The following LINGO2 variants were observed in gnomAD, a reference collection of about 807,000 sequenced individuals.
The protein encoded by LINGO2 is leucine-rich repeat and immunoglobulin-like domain-containing nogo receptor-interacting protein 2.
Under a neutral mutation model 30.6 loss-of-function variants are expected in LINGO2, and 14 were observed. That is an observed-to-expected ratio of 0.46 (90% CI 0.30 to 0.72). The LOEUF is 0.72. LINGO2 is among the 30% of genes least tolerant of loss of function. The pLI is 0.07. For missense variants in LINGO2, 729 were observed against 751.7 expected, an observed-to-expected ratio of 0.97 and a Z score of 0.35; for synonymous variants, 317 against 288.5, an observed-to-expected ratio of 1.10 and a Z score of -1.00.
At chr9:28,286,493 T>C (rs1311286873) in intron 4 of LINGO2, among the ~76,000 whole-genome samples, 1 of 152,186 alleles carries the variant, frequency 6.6e-6, no homozygotes, top group Non-Finnish European at 1.5e-5. Context: ...CATTCTATTA[T>C]AAAGACACAT....
chr9:28,126,489 C>T (rs1189534246), intron 4 of LINGO2, among the ~76,000 whole-genome samples: 2 of 152,262 alleles, frequency 1.3e-5, no homozygotes, highest in East Asian at 3.9e-4. Flanking sequence ...ATGTTGCTGT[C>T]CCTTTCAGAC....
chr9:28,813,069 T>A, the LINGO2 span, among the ~76,000 whole-genome samples: 3 of 144,140 alleles, frequency 2.1e-5, no homozygotes, highest in African/African-American at 2.6e-5. Flanking sequence ...CCTACTGCAG[T>A]AAAAAAAAAA....
chr9:28,680,255 G>A, the LINGO2 span, among the ~76,000 whole-genome samples: 1 of 152,024 alleles, frequency 6.6e-6, no homozygotes, highest in African/African-American at 2.4e-5. Context: ...TTAACACGAT[G>A]TCCCTCAGGC....
At chr9:28,874,669 T>C in the LINGO2 span, among the ~76,000 whole-genome samples, 1 of 152,216 alleles carries the variant, frequency 6.6e-6, no homozygotes, top group East Asian at 1.9e-4. Flanking sequence ...GGGTCCACGC[T>C]TTTTTAAATA....
chr9:28,524,405 G>A (rs1021158471), intron 1 of LINGO2, among the ~76,000 whole-genome samples: 4 of 152,126 alleles, frequency 2.6e-5, no homozygotes, highest in African/African-American at 9.7e-5. Context: ...AAAGAGATTA[G>A]ACTTCATCAA....
chr9:28,493,200 T>G (rs2135275659), intron 1 of LINGO2, among the ~76,000 whole-genome samples: 1 of 152,226 alleles, frequency 6.6e-6, no homozygotes, highest in South Asian at 2.1e-4. Flanking sequence ...TCAAAGTGTT[T>G]CTCCTTATGA....
At chr9:27,963,319 A>G (rs537824471) in intron 5 of LINGO2, among the ~76,000 whole-genome samples, 2 of 152,302 alleles carry the variant, frequency 1.3e-5, no homozygotes, top group South Asian at 4.1e-4. Context: ...AAAGGCATAT[A>G]TTTCCTCTGC....
At chr9:28,249,317 A>C (rs1405218492) in intron 4 of LINGO2, among the ~76,000 whole-genome samples, 1 of 152,112 alleles carries the variant, frequency 6.6e-6, no homozygotes, top group Non-Finnish European at 1.5e-5. Context: ...TTATGCTGAA[A>C]AGAAGTTTGA....
At chr9:29,187,126 C>T in the LINGO2 span, among the ~76,000 whole-genome samples, 15 of 152,082 alleles carry the variant, frequency 9.9e-5, no homozygotes, top group South Asian at 2.1e-4. Flanking sequence ...GAGAGCAGGT[C>T]GAGTACTCTC....
At chr9:28,723,665 G>A in the LINGO2 span, among the ~76,000 whole-genome samples, 10 of 152,046 alleles carry the variant, frequency 6.6e-5, no homozygotes, top group Non-Finnish European at 1.3e-4. Flanking sequence ...AGCCCTGTTG[G>A]TTCAGTGGAT....
chr9:28,440,902 T>C (rs1381056063), intron 2 of LINGO2, among the ~76,000 whole-genome samples: 1 of 152,198 alleles, frequency 6.6e-6, no homozygotes, highest in Non-Finnish European at 1.5e-5. Context: ...GAAAATGACC[T>C]AGAGGCATAT....
chr9:28,200,586 C>G (rs10117673), intron 4 of LINGO2, among the ~76,000 whole-genome samples: 29,097 of 152,028 alleles, frequency 0.19, 2,940 homozygotes, highest in South Asian at 0.29. Context: ...TCAGGACATA[C>G]TGGCTGCAAA....
intron 1 of LINGO2, among the ~76,000 whole-genome samples, chr9:28,547,385 G>C (rs1464308095): frequency 6.6e-6 from 1 of 152,020 alleles, no homozygotes; most frequent in African/African-American, 2.4e-5. Context: ...TGTTCCATTT[G>C]CATCTCTCTG....
chr9:28,512,593 G>GTATATA (rs770866133), intron 1 of LINGO2, among the ~76,000 whole-genome samples: 7 of 10,568 alleles, frequency 6.6e-4, no homozygotes, highest in African/African-American at 9.5e-4. Context: ...ATATATGTGT[G>GTATATA]TATATATATA....
At chr9:28,750,079 A>G in the LINGO2 span, among the ~76,000 whole-genome samples, 2 of 152,056 alleles carry the variant, frequency 1.3e-5, no homozygotes, top group Non-Finnish European at 2.9e-5. Context: ...CATTTAGCCC[A>G]ATTCTCTTTT....
At position 28,233,731 on chromosome 9, in the gene LINGO2, C is replaced by T. The variant is rs563704580; in HGVS notation, c.-87+61477G>A. On this transcript the variant is annotated intron_variant, in intron 4 of 5. Coordinates refer to ENST00000379992, the Ensembl canonical transcript of LINGO2. ...GAAGACAAAAGAGGACTTTGTTTTG[C>T]CTTTTGGATGCCAGTTCAGCCACAA... Among the ~76,000 whole-genome samples, 47 of 152,194 alleles carry T rather than the reference C, an allele frequency of 3.1e-4. No individual in the cohort carries two copies. In the South Asian group the frequency reaches 9.6e-3, roughly 31 times the overall value.
chr9:29,208,245 T>C, the LINGO2 span, among the ~76,000 whole-genome samples: 6 of 152,114 alleles, frequency 3.9e-5, no homozygotes, highest in South Asian at 2.1e-4. Context: ...AAGAAAAATG[T>C]AGAATTGCTA....
At chr9:28,866,274 T>C in the LINGO2 span, among the ~76,000 whole-genome samples, 3 of 152,198 alleles carry the variant, frequency 2.0e-5, no homozygotes, top group African/African-American at 7.2e-5. Flanking sequence ...TATTTTATAA[T>C]GAATTACCAT....
chr9:28,228,583 T>A (rs926703101), intron 4 of LINGO2, among the ~76,000 whole-genome samples: 2 of 151,988 alleles, frequency 1.3e-5, no homozygotes, highest in African/African-American at 2.4e-5. Flanking sequence ...AAATATATCA[T>A]CTATGTGCTA....
Sources: allele counts gnomAD v4.1 joint callset (sites outside exome capture counted in the v4.1 genomes callset), GRCh38; gene constraint gnomAD v4.1.1; transcripts MANE v1.5; gene names NCBI Gene and HGNC (gene_info 2026-07-23, HGNC 2026-07-21).